MMP10: variants seen among roughly 807,000 people sequenced by gnomAD.
MMP10 encodes the protein stromelysin-2.
In MMP10, 50 loss-of-function variants were observed where a neutral mutation model predicts 49.1. That is an observed-to-expected ratio of 1.02 (90% CI 0.81 to 1.29). MMP10 has a LOEUF of 1.29. Ranked by LOEUF, MMP10 falls within the 50% of genes most tolerant of loss-of-function variation. The pLI is 0.00. For missense variants in MMP10, 613 were observed against 563.8 expected (o/e 1.09, Z -0.88); for synonymous variants, 229 against 201.6 (o/e 1.14, Z -1.15).
intron 7 of MMP10, among the ~76,000 whole-genome samples, chr11:102,774,377 G>A (rs947100675): frequency 1.3e-5 from 2 of 151,760 alleles, no homozygotes; most frequent in East Asian, 3.8e-4. Flanking sequence ...AATTAAACGG[G>A]AAATCAAAAT....
At position 102,779,709 on chromosome 11, in the gene MMP10, C is replaced by T. The variant is rs1331148224; in HGVS notation, c.142G>A (p.Val48Met). 1.2e-6 allele frequency: 2 copies of T among 1,613,982 alleles called. No individual in the cohort carries two copies. The highest frequency in any genetic ancestry group is 1.7e-6 in the Non-Finnish European group (2 of 1,179,956). The change falls in exon 2 of 10, where the codon GTG becomes ATG. Residue 48 changes from valine (V) to methionine (M), a missense_variant. Physicochemically the swap from Val to Met is conservative, Grantham distance 21 (BLOSUM62 1). Transcript: ENST00000279441. ...CTGTCCTTTCTTCTAAACTGTTTCA[C>T]ATCCTTTTCGAGGTTGTAGTACTTT... Reference protein sequence around the residue: ...LEKYYNLEKDVKQFRRKDSNL... With the variant: ...LEKYYNLEKDMKQFRRKDSNL...
intron 7 of MMP10, 131 bp downstream of exon 7, chr11:102,775,056 CA>C (rs1446123781): frequency 1.4e-5 from 9 of 627,412 alleles, no homozygotes; most frequent in Non-Finnish European, 2.1e-5. Context: ...GTTCTTTGTA[CA>C]AATTTTATTT....
chr11:102,775,305 A>G lies in MMP10; in HGVS notation c.949T>C (p.Ser317Pro), dbSNP rs1862011437. 1.2e-6 allele frequency: 2 copies of G among 1,608,288 alleles called. No homozygotes were observed. Among genetic ancestry groups the G allele is most frequent in the East Asian group, 4.5e-5 (2 of 44,804 alleles). The change falls in exon 7 of 10, where the codon TCC becomes CCC. Residue 317 changes from serine to proline, a missense_variant. Coordinates refer to ENST00000279441, the MANE Select transcript of MMP10 (RefSeq NM_002425.3). The part of the protein sequence containing the change: ...FFKDRYFWRR[S>P]HWNPEPEFHL... The stretch of plus-strand genomic sequence containing the variant: ...AATTCAGGTTCAGGGTTCCAGTGGG[A>G]TCTTCGCCAAAAATATCTGTAATAC...
rs576690986 is a variant in MMP10 at position 102,770,677 on chromosome 11, ATCT to A, written c.*113_*115del. On this transcript the variant is annotated 3_prime_UTR_variant, in exon 10 of 10. Coordinates refer to ENST00000279441, the MANE Select transcript of MMP10 (RefSeq NM_002425.3). ...ACACATGCAGATATCTGCAAGGCTC[ATCT>A]TCTTCAGTCACAGAACATGCAGGAA... is the stretch of plus-strand genomic sequence containing the variant. 1.6e-5 allele frequency: 10 copies of A among 625,924 alleles called. No individual in the cohort carries two copies. The highest frequency in any genetic ancestry group is 9.3e-5 in the African/African-American group (5 of 53,524). The allele number at this position is 625,924 out of a possible 1,614,324, so 38.8% of individuals were successfully genotyped here. A position where few individuals can be genotyped will look rare whatever the true frequency, so the allele number is the denominator to read the frequency against.
intron 7 of MMP10, among the ~76,000 whole-genome samples, chr11:102,774,716 C>A (rs1202906131): frequency 3.9e-5 from 6 of 152,010 alleles, no homozygotes; most frequent in Non-Finnish European, 8.8e-5. Context: ...GATAAAGAAG[C>A]CTCTATACCT....
intron 3 of MMP10, 136 bp downstream of exon 3, chr11:102,779,077 T>G: frequency 7.8e-7 from 1 of 1,287,604 alleles, no homozygotes; most frequent in Non-Finnish European, 1.1e-6. Context: ...GCTGGCACCT[T>G]AATCTTGGAC....
chr11:102,776,181 A>G (rs1406773353), intron 6 of MMP10, 99 bp downstream of exon 6: 1 of 1,079,336 alleles, frequency 9.3e-7, no homozygotes, highest in East Asian at 2.5e-5. Flanking sequence ...GTACCCCTGA[A>G]CCTAAAATTA....
intron 6 of MMP10, 90 bp downstream of exon 6, chr11:102,776,190 T>TA (rs920811050): frequency 2.4e-4 from 287 of 1,211,348 alleles, no homozygotes; most frequent in Non-Finnish European, 2.7e-4. Flanking sequence ...AACCTAAAAT[T>TA]AAAAAAAAAG....
Position 102,770,851 on chromosome 11 carries a change from T to A in MMP10, c.1373A>T (p.Asp458Val). The change falls in exon 10 of 10, where the codon GAC becomes GTC. Residue 458 changes from aspartate (D) to valine (V), a missense_variant. Physicochemically the swap from Asp to Val is radical, Grantham distance 152. Transcript: ENST00000279441. Reference sequence around the variant, plus strand: ...GTGTGTCACCATCCTGGCATTGGGGTCAAACTCAAACTGTGATGATCCACT... The same window carrying A: ...GTGTGTCACCATCCTGGCATTGGGGACAAACTCAAACTGTGATGATCCACT... ...FFSGSSQFEFDPNARMVTHIL... is the reference protein window; with the variant it reads ...FFSGSSQFEFVPNARMVTHIL... The A allele has an allele frequency of 6.2e-7, 1 of 1,612,976 alleles. No homozygotes were observed. Among genetic ancestry groups the A allele is most frequent in the South Asian group, 1.1e-5 (1 of 90,856 alleles).
rs767625727 is a variant in MMP10 at position 102,772,948 on chromosome 11, G to A, written c.1125C>T (p.Ile375=). ...TGGTTGGAGGAAAACCCAGGGTATGGATGCCTCTTGGATAACCTGCTTGTA... is the reference window on the plus strand; with the variant it reads ...TGGTTGGAGGAAAACCCAGGGTATGAATGCCTCTTGGATAACCTGCTTGTA... ...NEVQAGYPRG[I]HTLGFPPTIR... Residue 375 remains isoleucine (I), a synonymous_variant, in exon 8 of 10, where the codon ATC becomes ATT. Transcript: ENST00000279441. This position sits in a 1 kb window ranked among gnomAD's most constrained non-coding sequence, Gnocchi z 4.4. 1.9e-6 allele frequency: 3 copies of A among 1,613,690 alleles called. No homozygotes were observed. The Admixed American group carries it at 5.0e-5, about 27-fold the overall frequency.
chr11:102,770,656 A>G lies in MMP10; in HGVS notation c.*137T>C, dbSNP rs549945860. The G allele has an allele frequency of 5.4e-6, 3 of 558,460 alleles. No homozygotes were observed. Among genetic ancestry groups the G allele is most frequent in the Non-Finnish European group, 9.4e-6 (3 of 319,374 alleles). 34.6% of individuals were successfully genotyped at this position (558,460 alleles called of 1,614,324 possible). A position where few individuals can be genotyped will look rare whatever the true frequency, so the allele number is the denominator to read the frequency against. On this transcript the variant is annotated 3_prime_UTR_variant, in exon 10 of 10. Transcript: ENST00000279441. ...ATTCCAGAAACATTCTTCATGACAC[A>G]TGCAGATATCTGCAAGGCTCATCTT...
At chr11:102,778,800 C>A (rs1400838997) in intron 3 of MMP10, 51 bp from the exon 4 acceptor site, 1 of 1,603,380 alleles carries the variant, frequency 6.2e-7, no homozygotes. Flanking sequence ...TTTCTTTTTA[C>A]CCTGTTCCAA....
chr11:102,773,211 C>G (rs1201556055), intron 7 of MMP10, among the ~76,000 whole-genome samples: 2 of 152,042 alleles, frequency 1.3e-5, no homozygotes. Context: ...TGATTCACTG[C>G]CCTTTCTGTG....
rs1390850581 is a variant in MMP10, at chr11:102,779,760, A to C, written c.106-15T>G. On this transcript the variant is annotated splice_polypyrimidine_tract_variant and intron_variant, in intron 1 of 9. Transcript: ENST00000279441. Reference sequence around the variant, plus strand: ...TCTAGGTATTGCTAATGGAAAATAGAATTTTTAGGGCATTTTTGTGATTTT... The same window carrying C: ...TCTAGGTATTGCTAATGGAAAATAGCATTTTTAGGGCATTTTTGTGATTTT... 6.3e-7 allele frequency: 1 copy of C among 1,593,330 alleles called. No homozygotes were observed. Among genetic ancestry groups the C allele is most frequent in the Non-Finnish European group, 8.6e-7 (1 of 1,166,826 alleles).
At chr11:102,777,765 G>T (rs993651104) in intron 4 of MMP10, among the ~76,000 whole-genome samples, 1 of 152,134 alleles carries the variant, frequency 6.6e-6, no homozygotes, top group African/African-American at 2.4e-5. Flanking sequence ...GAATTGTGCA[G>T]AAAAGAACAG....
At position 102,779,488 on chromosome 11, in the gene MMP10, T is replaced by G; in HGVS notation, c.347+16A>C. ...TAAGGTTTCAATATTATGTGAAAACTAATCTGAACCATTACCTGTATGTAA... is the reference window on the plus strand; with the variant it reads ...TAAGGTTTCAATATTATGTGAAAACGAATCTGAACCATTACCTGTATGTAA... On this transcript the variant is annotated intron_variant, in intron 2 of 9. Transcript: ENST00000279441. 1 of 1,612,986 alleles carries G rather than the reference T, an allele frequency of 6.2e-7. No homozygotes were observed. Among genetic ancestry groups the G allele is most frequent in the South Asian group, 1.1e-5 (1 of 91,008 alleles).
chr11:102,773,714 CACA>C (rs1277534834), intron 7 of MMP10, among the ~76,000 whole-genome samples: 2 of 152,222 alleles, frequency 1.3e-5, no homozygotes, highest in Non-Finnish European at 2.9e-5. Flanking sequence ...CCCATCTCTG[CACA>C]ACAATAGAGA....
At chr11:102,775,520 T>G (rs1023048200) in intron 6 of MMP10, among the ~76,000 whole-genome samples, 199 bp from the exon 7 acceptor site, 1 of 152,188 alleles carries the variant, frequency 6.6e-6, no homozygotes, top group African/African-American at 2.4e-5. Flanking sequence ...CTTGGTTCCA[T>G]TCTAAAAGTC....
At position 102,772,828 on chromosome 11, in the gene MMP10, C is replaced by A. The variant is rs1443985549; in HGVS notation, c.1226+19G>T. On this transcript the variant is annotated intron_variant, in intron 8 of 9. Transcript: ENST00000279441. This position sits in a 1 kb window ranked among gnomAD's most constrained non-coding sequence, Gnocchi z 4.4. ...TTCTTAATCAGGCTTCATAGAAAGTCATTTCTCTTGCATCTCACCTCCAGT... is the reference window on the plus strand; with the variant it reads ...TTCTTAATCAGGCTTCATAGAAAGTAATTTCTCTTGCATCTCACCTCCAGT... 1.2e-6 allele frequency: 2 copies of A among 1,602,880 alleles called. No homozygotes were observed. Among genetic ancestry groups the A allele is most frequent in the Admixed American group, 1.7e-5 (1 of 58,412 alleles).
Sources: allele counts gnomAD v4.1 joint callset (sites outside exome capture counted in the v4.1 genomes callset), GRCh38; gene constraint gnomAD v4.1.1; non-coding constraint Gnocchi (gnomAD v3.1); transcripts MANE v1.5; gene names NCBI Gene and HGNC (gene_info 2026-07-23, HGNC 2026-07-21).